The following CNTN4 variants were observed in gnomAD, a reference collection of about 807,000 sequenced individuals.
CNTN4 encodes contactin-4.
Under a neutral mutation model 122.5 loss-of-function variants are expected in CNTN4, and 77 were observed. That is an observed-to-expected ratio of 0.63 (90% confidence interval 0.52 to 0.76). The LOEUF (loss-of-function observed/expected upper bound fraction) is 0.76, where lower values mean the gene tolerates loss of function less well. Ranked by LOEUF, CNTN4 falls within the 30% of genes least tolerant of loss-of-function variation. CNTN4 has a pLI of 0.00. For synonymous variants in CNTN4, 512 were observed against 447.0 expected (o/e 1.15, Z -1.83); for missense variants, 1,256 against 1,259.1 (o/e 1.00, Z 0.04).
At chr3:2,677,129 TTAGATAGATAGATAGATAGA>T (rs71621501) in intron 4 of CNTN4, among the ~76,000 whole-genome samples, 4 of 143,166 alleles carry the variant, frequency 2.8e-5, no homozygotes, top group African/African-American at 5.2e-5. Context: ...GATCACTCTT[TTAGATAGATAGATAGATAGA>T]TAGATAGATA....
Position 2,925,645 on chromosome 3 carries a change from T to C in CNTN4, c.1224T>C (p.Phe408=). The change falls in exon 13 of 25, where the codon TTT becomes TTC. Residue 408 remains phenylalanine (F), a synonymous_variant. Transcript: ENST00000418658. ...ELSVIAVGPD[F]SRTLLKRVTL... is the part of the protein sequence containing the mutation. ...GTCTTTCAGCTGTAGGTCCAGATTT[T>C]TCAAGAACACTCTTGAAAAGAGTAA... 2 of 1,614,046 alleles carry C rather than the reference T, an allele frequency of 1.2e-6. No homozygotes were observed. Among genetic ancestry groups the C allele is most frequent in the Non-Finnish European group, 1.7e-6 (2 of 1,179,954 alleles).
intron 3 of CNTN4, among the ~76,000 whole-genome samples, chr3:2,474,095 C>T (rs1559586073): frequency 1.3e-5 from 2 of 152,038 alleles, no homozygotes; most frequent in African/African-American, 4.8e-5. Flanking sequence ...GACTGTCTGC[C>T]GGGGTGTCAT....
intron 2 of CNTN4, among the ~76,000 whole-genome samples, chr3:2,225,044 G>A (rs2039220388): frequency 6.6e-6 from 1 of 151,786 alleles, no homozygotes; most frequent in Admixed American, 6.6e-5. Context: ...CAGCTACTCG[G>A]GAGGCTGAGG....
chr3:3,048,164 A>G (rs1192383805), intron 23 of CNTN4, among the ~76,000 whole-genome samples: 2 of 152,178 alleles, frequency 1.3e-5, no homozygotes, highest in Admixed American at 6.5e-5. Flanking sequence ...ATGTTTAGAG[A>G]TACATAATTT....
intron 2 of CNTN4, among the ~76,000 whole-genome samples, chr3:2,221,266 C>T (rs1257245315): frequency 1.3e-5 from 2 of 152,038 alleles, no homozygotes; most frequent in African/African-American, 4.8e-5. Context: ...TGTTTTTCCT[C>T]TGAGGAAGTC....
intron 6 of CNTN4, among the ~76,000 whole-genome samples, chr3:2,747,235 G>A (rs185793502): frequency 4.0e-5 from 6 of 151,592 alleles, no homozygotes; most frequent in Admixed American, 1.3e-4. Context: ...CGATGAAACC[G>A]CGTCTCTACT....
intron 2 of CNTN4, among the ~76,000 whole-genome samples, chr3:2,287,807 G>A (rs762373941): frequency 7.7e-4 from 116 of 151,626 alleles, no homozygotes; most frequent in Non-Finnish European, 1.8e-4. Context: ...GGGAAGGTGA[G>A]GAGGAAGAGG....
At chr3:3,031,700 A>G (rs1475149776) in intron 16 of CNTN4, among the ~76,000 whole-genome samples, 1 of 152,186 alleles carries the variant, frequency 6.6e-6, no homozygotes, top group African/African-American at 2.4e-5. Flanking sequence ...TAAAATCTTC[A>G]CTAACCAGTG....
chr3:2,965,435 G>A (rs982956201), intron 13 of CNTN4, among the ~76,000 whole-genome samples: 1 of 152,162 alleles, frequency 6.6e-6, no homozygotes, highest in Non-Finnish European at 1.5e-5. Context: ...CCGTATGTGG[G>A]TATTGAGCAC....
intron 4 of CNTN4, among the ~76,000 whole-genome samples, chr3:2,674,682 CG>C (rs1559374043): frequency 6.6e-6 from 1 of 151,738 alleles, no homozygotes; most frequent in African/African-American, 2.4e-5. Flanking sequence ...CACCTGAACC[CG>C]GGAGGCGGAG....
intron 6 of CNTN4, among the ~76,000 whole-genome samples, chr3:2,753,190 G>A (rs1275983675): frequency 6.6e-6 from 1 of 152,144 alleles, no homozygotes; most frequent in Non-Finnish European, 1.5e-5. Context: ...CCTAAGTATA[G>A]TTGATAAGAG....
chr3:2,950,396 A>G (rs370602287), intron 13 of CNTN4, among the ~76,000 whole-genome samples: 3 of 152,150 alleles, frequency 2.0e-5, no homozygotes, highest in African/African-American at 7.2e-5. Context: ...GAACCTGCCA[A>G]ATGAGTTTGG....
At chr3:2,721,609 G>T (rs372671946) in intron 4 of CNTN4, among the ~76,000 whole-genome samples, 39 of 152,294 alleles carry the variant, frequency 2.6e-4, no homozygotes, top group African/African-American at 9.1e-4. Flanking sequence ...GTGAGAGAGA[G>T]AGAGAATTTG....
intron 2 of CNTN4, among the ~76,000 whole-genome samples, chr3:2,225,155 AC>A (rs1553604628): frequency 4.0e-4 from 59 of 148,598 alleles, no homozygotes; most frequent in African/African-American, 1.4e-3. Flanking sequence ...TGTACCCACC[AC>A]CCCCAAAAAA....
chr3:2,499,013 C>T (rs1272008821), intron 3 of CNTN4, among the ~76,000 whole-genome samples: 1 of 152,022 alleles, frequency 6.6e-6, no homozygotes, highest in African/African-American at 2.4e-5. Flanking sequence ...TGATCTCGAA[C>T]TCCTGACCTC....
At chr3:2,205,157 G>C (rs2038280475) in intron 2 of CNTN4, among the ~76,000 whole-genome samples, 1 of 151,116 alleles carries the variant, frequency 6.6e-6, no homozygotes, top group Non-Finnish European at 1.5e-5. Context: ...GTTTTAAATT[G>C]CTTTTTAGCT....
At chr3:2,925,414 G>A (rs1201090910) in intron 12 of CNTN4, among the ~76,000 whole-genome samples, 3 of 152,064 alleles carry the variant, frequency 2.0e-5, no homozygotes, top group Admixed American at 6.5e-5. Context: ...TTACCTGGGC[G>A]TGGTCATGCG....
In CNTN4 at chr3:2,518,622, A is replaced by G. The variant is rs150686516; in HGVS notation, c.-88-52794A>G. 6.3e-3 allele frequency among the ~76,000 whole-genome samples: 952 copies of G among 152,266 alleles called. 8 individuals carry two copies. The highest frequency in any genetic ancestry group is 0.022 in the African/African-American group (906 of 41,566). Reference sequence around the variant, plus strand: ...ATCTCAGAGTACTCAGGAATTTTTAATAGATATGTTAAAGATAAAAAATAT... The same window carrying G: ...ATCTCAGAGTACTCAGGAATTTTTAGTAGATATGTTAAAGATAAAAAATAT... On this transcript the variant is annotated intron_variant, in intron 3 of 24. Coordinates refer to ENST00000418658, the MANE Select transcript of CNTN4 (RefSeq NM_175607.3).
intron 6 of CNTN4, among the ~76,000 whole-genome samples, chr3:2,765,936 A>C (rs908517751): frequency 1.1e-4 from 17 of 152,210 alleles, no homozygotes; most frequent in African/African-American, 4.1e-4. Context: ...AGCTTTGAAA[A>C]TGTATCATGA....
Sources: allele counts gnomAD v4.1 joint callset (sites outside exome capture counted in the v4.1 genomes callset), GRCh38; gene constraint gnomAD v4.1.1; transcripts MANE v1.5; gene names NCBI Gene and HGNC (gene_info 2026-07-23, HGNC 2026-07-21).